The following DPP10 variants were observed in gnomAD, a reference collection of about 807,000 sequenced individuals.
DPP10 encodes the protein dipeptidyl peptidase like 10.
A neutral mutation model predicts 120.9 loss-of-function variants in DPP10; 33 were observed. That is an observed-to-expected ratio of 0.27 (90% CI 0.21 to 0.37). DPP10 has a LOEUF of 0.37. Ranked by LOEUF, DPP10 falls within the 10% of genes least tolerant of loss-of-function variation. The pLI is 1.00. For missense variants in DPP10, 816 were observed against 942.8 expected, an observed-to-expected ratio of 0.87 and a Z score of 1.76; for synonymous variants, 337 against 326.1, an observed-to-expected ratio of 1.03 and a Z score of -0.36.
chr2:115,258,004 T>C (rs1232281213), intron 1 of DPP10, among the ~76,000 whole-genome samples: 1 of 152,206 alleles, frequency 6.6e-6, no homozygotes, highest in Admixed American at 6.5e-5. Context: ...CGTTATTTTC[T>C]CTTTTCCTCT....
chr2:114,692,520 A>AT (rs1473639600), intron 1 of DPP10, among the ~76,000 whole-genome samples: 1 of 151,090 alleles, frequency 6.6e-6, no homozygotes, highest in Non-Finnish European at 1.5e-5. Flanking sequence ...ATCAATTTTA[A>AT]AGTGCCATGT....
At position 114,805,596 on chromosome 2, in the gene DPP10, AC is replaced by A. The variant is rs535374850; in HGVS notation, c.60+362761del. ...CAACTAGGTCTGGCTAAGTTATGCT[AC>A]CCACAAATCTCAGTGGCTTAAAACC... On this transcript the variant is annotated intron_variant, in intron 1 of 25. Transcript: ENST00000410059. Among the ~76,000 whole-genome samples, 46 of 152,296 alleles carry A rather than the reference AC, an allele frequency of 3.0e-4. 1 individual carries two copies. The highest frequency in any genetic ancestry group is 8.7e-4 in the African/African-American group (36 of 41,572).
At chr2:115,796,537 A>G (rs971286405) in intron 19 of DPP10, among the ~76,000 whole-genome samples, 2 of 152,150 alleles carry the variant, frequency 1.3e-5, no homozygotes, top group Non-Finnish European at 2.9e-5. Flanking sequence ...TTGTGAGTTT[A>G]TAATTGATTT....
At chr2:114,495,154 T>C (rs537262693) in intron 1 of DPP10, among the ~76,000 whole-genome samples, 1 of 152,308 alleles carries the variant, frequency 6.6e-6, no homozygotes, top group African/African-American at 2.4e-5. Flanking sequence ...TCATGGGCTA[T>C]TACATGTATG....
At chr2:115,092,436 A>C (rs556060851) in intron 1 of DPP10, among the ~76,000 whole-genome samples, 1 of 152,190 alleles carries the variant, frequency 6.6e-6, no homozygotes, top group Non-Finnish European at 1.5e-5. Context: ...TGTTCCCCAT[A>C]AGCGTGTCTG....
chr2:114,857,560 C>A (rs1689470120), intron 1 of DPP10, among the ~76,000 whole-genome samples: 1 of 152,138 alleles, frequency 6.6e-6, no homozygotes, highest in Non-Finnish European at 1.5e-5. Context: ...AGTTCACTTC[C>A]CTTGCTTCCT....
intron 1 of DPP10, among the ~76,000 whole-genome samples, chr2:114,924,019 C>T: frequency 6.6e-6 from 1 of 152,046 alleles, no homozygotes; most frequent in East Asian, 1.9e-4. Context: ...CCACTGGGCC[C>T]AGCTTGATTC....
chr2:114,464,274 T>A (rs910147041), intron 1 of DPP10, among the ~76,000 whole-genome samples: 15 of 152,212 alleles, frequency 9.9e-5, no homozygotes, highest in Non-Finnish European at 1.8e-4. Context: ...TTTATTTTTT[T>A]AAGATTTCAG....
At chr2:115,714,906 C>T (rs1345219934) in intron 7 of DPP10, among the ~76,000 whole-genome samples, 3 of 151,590 alleles carry the variant, frequency 2.0e-5, no homozygotes, top group African/African-American at 7.3e-5. Flanking sequence ...GACAGGCGCC[C>T]GTAGTCCCAG....
At chr2:114,837,752 G>A (rs1687856300) in intron 1 of DPP10, among the ~76,000 whole-genome samples, 1 of 152,118 alleles carries the variant, frequency 6.6e-6, no homozygotes, top group Non-Finnish European at 1.5e-5. Flanking sequence ...AATCATTGCA[G>A]GAAATAATGT....
chr2:115,213,892 C>T (rs998469600), intron 1 of DPP10, among the ~76,000 whole-genome samples: 5 of 152,120 alleles, frequency 3.3e-5, no homozygotes, highest in Admixed American at 3.3e-4. Context: ...GAGATTTATA[C>T]ACTGACTGAG....
At chr2:115,405,845 A>G (rs2068467508) in intron 3 of DPP10, among the ~76,000 whole-genome samples, 2 of 152,174 alleles carry the variant, frequency 1.3e-5, no homozygotes, top group African/African-American at 4.8e-5. Context: ...CTTGAGGCCT[A>G]TCCCCCACAA....
At chr2:114,869,202 TATATAC>T (rs1417243677) in intron 1 of DPP10, among the ~76,000 whole-genome samples, 2 of 152,190 alleles carry the variant, frequency 1.3e-5, no homozygotes, top group Non-Finnish European at 2.9e-5. Context: ...TGTGTACATA[TATATAC>T]ATATATATGT....
intron 21 of DPP10, among the ~76,000 whole-genome samples, chr2:115,831,306 T>C (rs1688903688): frequency 6.6e-6 from 1 of 152,170 alleles, no homozygotes; most frequent in African/African-American, 2.4e-5. Flanking sequence ...TGGAGTGCAG[T>C]GGCGCGATTT....
intron 1 of DPP10, among the ~76,000 whole-genome samples, chr2:115,158,800 T>A (rs576666476): frequency 3.9e-5 from 6 of 152,290 alleles, no homozygotes; most frequent in South Asian, 2.1e-4. Context: ...ATCTTTTTTT[T>A]AAAAAACTCT....
intron 2 of DPP10, among the ~76,000 whole-genome samples, chr2:115,334,567 A>G (rs1171803432): frequency 6.6e-6 from 1 of 151,876 alleles, no homozygotes; most frequent in Non-Finnish European, 1.5e-5. Flanking sequence ...CTTTTCTGTG[A>G]ATTTTACATT....
chr2:115,738,148 T>C (rs1308854300), intron 8 of DPP10, among the ~76,000 whole-genome samples: 1 of 152,294 alleles, frequency 6.6e-6, no homozygotes, highest in East Asian at 1.9e-4. Flanking sequence ...TATGAATATC[T>C]TTGTCTTACC....
At chr2:115,771,542 C>T (rs1353799028) in intron 13 of DPP10, among the ~76,000 whole-genome samples, 4 of 152,126 alleles carry the variant, frequency 2.6e-5, no homozygotes, top group Non-Finnish European at 4.4e-5. Context: ...TATATCCATA[C>T]GAATGTATTT....
At chr2:114,692,010 TTTGTTAA>T (rs1699781400) in intron 1 of DPP10, among the ~76,000 whole-genome samples, 1 of 152,072 alleles carries the variant, frequency 6.6e-6, no homozygotes, top group Non-Finnish European at 1.5e-5. Flanking sequence ...GTCTATCTAT[TTTGTTAA>T]TTGTCTCCAA....
Sources: gnomAD v4.1 joint callset for allele counts (sites outside exome capture counted in the v4.1 genomes callset) on GRCh38, gnomAD v4.1.1 for gene constraint, MANE v1.5 for transcripts, NCBI Gene and HGNC (gene_info 2026-07-23, HGNC 2026-07-21) for gene names.